Variants in CDH17 observed in about 807,000 individuals in gnomAD.
The protein encoded by CDH17 is cadherin 17.
A neutral mutation model predicts 86.3 loss-of-function variants in CDH17; 67 were observed. The observed-to-expected ratio is 0.78, with a 90% CI of 0.64 to 0.95. The LOEUF (loss-of-function observed/expected upper bound fraction) is 0.95. Ranked by LOEUF, CDH17 falls within the 40% of genes least tolerant of loss-of-function variation. The pLI is 0.00. For synonymous variants in CDH17, 367 were observed against 366.4 expected, an observed-to-expected ratio of 1.00 and a Z score of -0.02; for missense variants, 993 against 1,017.6, an observed-to-expected ratio of 0.98 and a Z score of 0.33.
At position 94,171,107 on chromosome 8, in the gene CDH17, T is replaced by G. The variant is rs964697096; in HGVS notation, c.784-122A>C. ...AACCTTGTATGTTTGTGGTTTCTTG[T>G]AACAACTGAATTACGTTTTTCACTT... is the stretch of plus-strand genomic sequence containing the variant. On this transcript the variant is annotated intron_variant, in intron 7 of 17. Coordinates refer to ENST00000027335, the MANE Select transcript of CDH17 (RefSeq NM_004063.4). The G allele has an allele frequency of 1.6e-5, 16 of 1,005,904 alleles. No homozygotes were observed. The African/African-American group carries it at 2.6e-4, about 17-fold the overall frequency. The allele number at this position is 1,005,904 out of a possible 1,614,324, so 62.3% of individuals were successfully genotyped here.
intron 1 of CDH17, among the ~76,000 whole-genome samples, chr8:94,199,452 C>A (rs991173394): frequency 2.1e-5 from 3 of 139,580 alleles, no homozygotes; most frequent in Non-Finnish European, 4.7e-5. Context: ...ATCATCTCTT[C>A]TTGAACTAAT....
At chr8:94,164,380 T>G (rs1292227492) in intron 10 of CDH17, among the ~76,000 whole-genome samples, 3 of 152,226 alleles carry the variant, frequency 2.0e-5, no homozygotes, top group African/African-American at 7.2e-5. Context: ...GAATCATCTA[T>G]GTCTCCCCAG....
Position 94,140,939 on chromosome 8 carries a change from TAAG to T in CDH17, c.2167+4986_2167+4988del, listed in dbSNP as rs1160644703. 3.3e-5 allele frequency among the ~76,000 whole-genome samples: 5 copies of T among 152,038 alleles called. No individual in the cohort carries two copies. The East Asian group carries it at 5.8e-4, about 18-fold the overall frequency. On this transcript the variant is annotated intron_variant, in intron 15 of 17. Transcript: ENST00000027335. ...TTTACTGGCAAATTCTTTCAAACTTTAAGAAGAAGTAATACCAATTTTATGCAA... is the reference window on the plus strand; with the variant it reads ...TTTACTGGCAAATTCTTTCAAACTTTAAGAAGTAATACCAATTTTATGCAA...
intron 1 of CDH17, among the ~76,000 whole-genome samples, chr8:94,199,081 ATATTTT>A (rs1269446454): frequency 2.3e-3 from 23 of 9,838 alleles, no homozygotes; most frequent in East Asian, 0.011. Flanking sequence ...ATATATATAT[ATATTTT>A]TTTTTTTTTA....
chr8:94,152,058 G>T lies in CDH17; in HGVS notation c.1606C>A (p.Pro536Thr). 6.2e-7 allele frequency: 1 copy of T among 1,614,194 alleles called. No homozygotes were observed. The highest frequency in any genetic ancestry group is 8.5e-7 in the Non-Finnish European group (1 of 1,180,024). Residue 536 changes from proline to threonine, a missense_variant, in exon 13 of 18, where the codon CCT (proline) becomes ACT (threonine). Physicochemically the swap from Pro to Thr is conservative, Grantham distance 38 (BLOSUM62 -1). Transcript: ENST00000027335. Reference sequence around the variant, plus strand: ...TTCACACCAAACACTAGAGGCTCAGGATTTTCTGCTTTGAACACAATGTTG... The same window carrying T: ...TTCACACCAAACACTAGAGGCTCAGTATTTTCTGCTTTGAACACAATGTTG... Reference protein sequence around the residue: ...VSNIVFKAENPEPLVFGVKYN... With the variant: ...VSNIVFKAENTEPLVFGVKYN...
chr8:94,183,748 A>G (rs1311943963), intron 3 of CDH17, among the ~76,000 whole-genome samples: 1 of 152,114 alleles, frequency 6.6e-6, no homozygotes, highest in East Asian at 1.9e-4. Context: ...GCTCCAAAGG[A>G]CACCACCAAG....
chr8:94,206,697 A>G (rs986663603), intron 1 of CDH17, among the ~76,000 whole-genome samples: 1 of 143,774 alleles, frequency 7.0e-6, no homozygotes, highest in Non-Finnish European at 1.5e-5. Flanking sequence ...GCTGGAATGC[A>G]GTGGCACAAT....
At chr8:94,159,890 C>A in intron 12 of CDH17, 81 bp downstream of exon 12, 1 of 1,062,596 alleles carries the variant, frequency 9.4e-7, no homozygotes, top group Non-Finnish European at 1.3e-6. Flanking sequence ...TACATCACCT[C>A]TGCTTATAGG....
intron 13 of CDH17, 141 bp downstream of exon 13, chr8:94,151,727 C>T: frequency 9.5e-7 from 1 of 1,053,084 alleles, no homozygotes; most frequent in Non-Finnish European, 1.4e-6. Context: ...GTGTTGACAG[C>T]TTCCTAAACC....
intron 2 of CDH17, among the ~76,000 whole-genome samples, chr8:94,192,340 C>T (rs532432584): frequency 3.9e-5 from 6 of 152,254 alleles, no homozygotes; most frequent in South Asian, 2.1e-4. Context: ...GAGGGAATAG[C>T]GTTTTCCATC....
chr8:94,171,951 G>A lies in CDH17; in HGVS notation c.784-966C>T, dbSNP rs7014332. Among the ~76,000 whole-genome samples, 1,127 of 149,850 alleles carry A rather than the reference G, an allele frequency of 7.5e-3. 15 individuals carry two copies. Among genetic ancestry groups the A allele is most frequent in the African/African-American group, 0.026 (1,055 of 40,728 alleles). On this transcript the variant is annotated intron_variant, in intron 7 of 17. Transcript: ENST00000027335. The stretch of plus-strand genomic sequence containing the variant: ...CTCTTGTGTTCTAAAAATTCAGTCT[G>A]AGTTCCTCTTCCCATCTCCCCCTCC...
In CDH17 at chr8:94,160,020, C is replaced by T; in HGVS notation, c.1502G>A (p.Gly501Glu). The T allele has an allele frequency of 3.1e-6, 5 of 1,613,496 alleles. No individual in the cohort carries two copies. Among genetic ancestry groups the T allele is most frequent in the Non-Finnish European group, 2.5e-6 (3 of 1,179,686 alleles). The change falls in exon 12 of 18, where the codon GGG (glycine) becomes GAG (glutamate). Residue 501 changes from glycine (G) to glutamate (E), a missense_variant. By Grantham distance (98) the Gly-to-Glu change is moderately conservative (BLOSUM62 -2). Transcript: ENST00000027335. ...IIKGDSEGRL[G>E]VDTDPHTNTG... ...GTTGGTATGGGGATCTGTGTCAACCCCCAGGCGTCCCTCACTGTCTCCCTT... is the reference window on the plus strand; with the variant it reads ...GTTGGTATGGGGATCTGTGTCAACCTCCAGGCGTCCCTCACTGTCTCCCTT...
At chr8:94,173,023 A>G (rs1324135745) in intron 7 of CDH17, among the ~76,000 whole-genome samples, 2 of 152,230 alleles carry the variant, frequency 1.3e-5, no homozygotes, top group East Asian at 3.9e-4. Context: ...TTTCAAATCT[A>G]TTTGCAACCC....
At chr8:94,130,203 C>T (rs1270962606) in intron 17 of CDH17, among the ~76,000 whole-genome samples, 1 of 152,122 alleles carries the variant, frequency 6.6e-6, no homozygotes, top group Non-Finnish European at 1.5e-5. Context: ...ATCTCAGCAT[C>T]GCCACTGGAA....
At chr8:94,173,602 T>A (rs1813309841) in intron 7 of CDH17, among the ~76,000 whole-genome samples, 195 bp downstream of exon 7, 1 of 152,206 alleles carries the variant, frequency 6.6e-6, no homozygotes. Context: ...ACATAATATC[T>A]GCATCCAAGT....
intron 13 of CDH17, among the ~76,000 whole-genome samples, chr8:94,149,424 T>C (rs1811242305): frequency 6.6e-6 from 1 of 152,160 alleles, no homozygotes; most frequent in South Asian, 2.1e-4. Flanking sequence ...AAAAAGGTGT[T>C]CTTAGGCAAG....
chr8:94,199,770 A>G (rs1023975964), intron 1 of CDH17, among the ~76,000 whole-genome samples: 2 of 152,154 alleles, frequency 1.3e-5, no homozygotes, highest in African/African-American at 4.8e-5. Context: ...TGTTAGGAGC[A>G]TAGACCCAGG....
intron 10 of CDH17, among the ~76,000 whole-genome samples, 162 bp from the exon 11 acceptor site, chr8:94,162,324 G>A (rs982559970): frequency 1.3e-5 from 2 of 152,158 alleles, no homozygotes; most frequent in African/African-American, 4.8e-5. Context: ...TTTCCCACCT[G>A]TACCCAAGTG....
rs16916585 is a variant in CDH17, at chr8:94,130,754, A to G, written c.2285-15T>C. On this transcript the variant is annotated splice_polypyrimidine_tract_variant and intron_variant, in intron 16 of 17. Transcript: ENST00000027335. ...GCAGAATGTAACTGAAAAGCAGGAC[A>G]GTATTTGGTAGGATAAATTCTCAAG... 4.3e-3 allele frequency: 6,885 copies of G among 1,596,456 alleles called. 238 individuals are homozygous for G. In the African/African-American group the frequency reaches 0.08, roughly 19 times the overall value.
Sources: gnomAD v4.1 joint callset for allele counts (sites outside exome capture counted in the v4.1 genomes callset) on GRCh38, gnomAD v4.1.1 for gene constraint, MANE v1.5 for transcripts, NCBI Gene and HGNC (gene_info 2026-07-23, HGNC 2026-07-21) for gene names.